The following CCNF variants were observed in gnomAD, a reference collection of about 807,000 sequenced individuals.
The protein encoded by CCNF is cyclin-F.
In CCNF, 30 loss-of-function variants were observed where a neutral mutation model predicts 85.4. That is an observed-to-expected ratio of 0.35 (90% CI 0.26 to 0.48). The LOEUF (loss-of-function observed/expected upper bound fraction) is 0.48, where lower values mean the gene tolerates loss of function less well. CCNF is among the 20% of genes least tolerant of loss of function. The pLI is 0.99. For synonymous variants in CCNF, 439 were observed against 425.1 expected (o/e 1.03, Z -0.40); for missense variants, 919 against 1,010.4 (o/e 0.91, Z 1.23).
chr16:2,432,704 C>T (rs2065268874), intron 2 of CCNF, among the ~76,000 whole-genome samples: 1 of 152,214 alleles, frequency 6.6e-6, no homozygotes, highest in Non-Finnish European at 1.5e-5. Context: ...CCCTCTTTCT[C>T]AGCCTAGGTG....
Position 2,453,635 on chromosome 16 carries a change from C to A in CCNF, c.1715+98C>A. On this transcript the variant is annotated intron_variant, in intron 15 of 16. Coordinates refer to ENST00000397066, the MANE Select transcript of CCNF (RefSeq NM_001761.3). This position sits in a 1 kb window ranked among gnomAD's most constrained non-coding sequence, Gnocchi z 5.6. ...TCCTCACACAGAGAGGCCCCCAAGG[C>A]TTGTCAGGGGAGCAGCAGATCCCAG... 1 of 1,492,442 alleles carries A rather than the reference C, an allele frequency of 6.7e-7. No homozygotes were observed. The highest frequency in any genetic ancestry group is 9.2e-7 in the Non-Finnish European group (1 of 1,088,744). 92.4% of individuals were successfully genotyped at this position (1,492,442 alleles called of 1,614,324 possible).
At position 2,443,695 on chromosome 16, in the gene CCNF, A is replaced by G. The variant is rs1439173034; in HGVS notation, c.824A>G (p.Glu275Gly). The G allele has an allele frequency of 7.4e-6, 12 of 1,614,104 alleles. No homozygotes were observed. Among genetic ancestry groups the G allele is most frequent in the Non-Finnish European group, 1.0e-5 (12 of 1,179,996 alleles). The change falls in exon 9 of 17, where the codon GAG becomes GGG. Residue 275 changes from glutamate to glycine, a missense_variant. By Grantham distance (98) the Glu-to-Gly change is moderately conservative. Transcript: ENST00000397066. ...ACANANQLGL[E>G]VRASSEIVCQ... The stretch of plus-strand genomic sequence containing the variant: ...GCAAATGCAAACCAGCTTGGACTGG[A>G]GGTGAGAGCTTCCAGTGAGATCGTC...
intron 9 of CCNF, among the ~76,000 whole-genome samples, chr16:2,444,602 C>CT (rs879408225): frequency 0.011 from 1,481 of 134,362 alleles, 23 homozygotes; most frequent in African/African-American, 0.037. Context: ...GCCCAGCCAC[C>CT]TTTTTTTTTT....
chr16:2,441,907 G>A (rs922867997), intron 8 of CCNF, among the ~76,000 whole-genome samples: 5 of 134,326 alleles, frequency 3.7e-5, no homozygotes, highest in African/African-American at 1.1e-4. Context: ...ACTTTTAAAT[G>A]AGATATTTTG....
chr16:2,431,115 CT>C lies in CCNF; in HGVS notation c.17-8del, dbSNP rs764855503. The C allele has an allele frequency of 1.9e-5, 31 of 1,612,094 alleles. No individual in the cohort carries two copies. In the South Asian group the frequency reaches 2.4e-4, roughly 13 times the overall value. ...TTTTTCATCTTATCAAGGCTTCTGT[CT>C]TTTTTTCCTTCAGTGGTCCACTGTA... is the stretch of plus-strand genomic sequence containing the variant. On this transcript the variant is annotated splice_polypyrimidine_tract_variant and intron_variant, in intron 1 of 16. Coordinates refer to ENST00000397066, the MANE Select transcript of CCNF (RefSeq NM_001761.3).
In CCNF at chr16:2,453,084, G is replaced by C. The variant is rs2065403713; in HGVS notation, c.1488-126G>C. 2 of 769,446 alleles carry C rather than the reference G, an allele frequency of 2.6e-6. No individual in the cohort carries two copies. The allele number at this position is 769,446 out of a possible 1,614,324, so 47.7% of individuals were successfully genotyped here. On this transcript the variant is annotated intron_variant, in intron 13 of 16. Coordinates refer to ENST00000397066, the MANE Select transcript of CCNF (RefSeq NM_001761.3). The surrounding 1 kb of genome is among the most constrained non-coding windows in gnomAD (Gnocchi z 5.6). ...TGGTGACTGAGTTTAACCATTCGGG[G>C]AACTGCCAGGTCAGATTCCAGAGTG... is the stretch of plus-strand genomic sequence containing the variant.
At chr16:2,438,773 G>T (rs1286517668) in intron 6 of CCNF, among the ~76,000 whole-genome samples, 1 of 151,674 alleles carries the variant, frequency 6.6e-6, no homozygotes, top group Non-Finnish European at 1.5e-5. Flanking sequence ...GAGGCGGGTG[G>T]ATCACCTGAG....
chr16:2,438,016 C>A, intron 5 of CCNF, 54 bp from the exon 6 acceptor site: 1 of 1,248,688 alleles, frequency 8.0e-7, no homozygotes, highest in Non-Finnish European at 1.2e-6. Flanking sequence ...GGAGTGGTGG[C>A]CCCCGGGCAG....
chr16:2,437,723 C>A, intron 5 of CCNF: 1 of 320,170 alleles, frequency 3.1e-6, no homozygotes, highest in Non-Finnish European at 5.8e-6. Context: ...ATCTCGAAAC[C>A]TCGTCTCTAC....
intron 4 of CCNF, 75 bp downstream of exon 4, chr16:2,435,948 C>T (rs999921804): frequency 1.3e-5 from 14 of 1,072,460 alleles, no homozygotes; most frequent in Admixed American, 3.6e-5. Context: ...AAGTGGTCCC[C>T]GTGTTAGCAG....
intron 8 of CCNF, among the ~76,000 whole-genome samples, chr16:2,442,958 T>A (rs2065339582): frequency 9.8e-6 from 1 of 101,636 alleles, no homozygotes; most frequent in Non-Finnish European, 1.8e-5. Flanking sequence ...ATATTATATA[T>A]TTTTATATAT....
intron 11 of CCNF, 88 bp from the exon 12 acceptor site, chr16:2,449,194 G>T (rs769214656): frequency 6.5e-7 from 1 of 1,527,624 alleles, no homozygotes; most frequent in Non-Finnish European, 9.1e-7. Context: ...AACATCATCC[G>T]GGCCAGACCC....
At chr16:2,440,100 C>CTA (rs1469473341) in intron 8 of CCNF, among the ~76,000 whole-genome samples, 4 of 152,220 alleles carry the variant, frequency 2.6e-5, no homozygotes, top group Non-Finnish European at 5.9e-5. Flanking sequence ...TGCTTGTGAG[C>CTA]TATAGCTGCT....
rs534755948 is a variant in CCNF at position 2,452,714 on chromosome 16, C to T, written c.1488-496C>T. On this transcript the variant is annotated intron_variant, in intron 13 of 16. Coordinates refer to ENST00000397066, the MANE Select transcript of CCNF (RefSeq NM_001761.3). The surrounding 1 kb of genome is among the most constrained non-coding windows in gnomAD (Gnocchi z 4.1). ...CTCCCGTTCCCCCCAACTTCCTCAG[C>T]GCTAGATGACCCCCAGTAGTCTACT... 20 of 162,996 alleles carry T rather than the reference C, an allele frequency of 1.2e-4. No homozygotes were observed. The highest frequency in any genetic ancestry group is 2.4e-4 in the African/African-American group (10 of 41,696). 10.1% of individuals were successfully genotyped at this position (162,996 alleles called of 1,614,324 possible).
Position 2,443,917 on chromosome 16 carries a change from T to C in CCNF, c.929+117T>C, listed in dbSNP as rs537867107. ...GTGACAGGGCGGCATAGAGTTCCCT[T>C]ATCACCCTTTTTTTTTTTTTGAAGT... is the stretch of plus-strand genomic sequence containing the variant. On this transcript the variant is annotated intron_variant, in intron 9 of 16. Coordinates refer to ENST00000397066, the MANE Select transcript of CCNF (RefSeq NM_001761.3). 5.6e-4 allele frequency: 494 copies of C among 877,378 alleles called. 1 individual carries two copies. The highest frequency in any genetic ancestry group is 7.7e-4 in the Non-Finnish European group (466 of 608,766). 54.3% of individuals were successfully genotyped at this position (877,378 alleles called of 1,614,324 possible).
rs1198738270 is a variant in CCNF at position 2,453,753 on chromosome 16, A to G, written c.1715+216A>G. On this transcript the variant is annotated intron_variant, in intron 15 of 16. Coordinates refer to ENST00000397066, the MANE Select transcript of CCNF (RefSeq NM_001761.3). The surrounding 1 kb of genome is among the most constrained non-coding windows in gnomAD (Gnocchi z 5.6). The stretch of plus-strand genomic sequence containing the variant: ...GCCCAGGTCTCCTTCCTCAGAGGCT[A>G]TTGCCTCTCGCTCTGACTGGGCTCC... 3.3e-5 allele frequency among the ~76,000 whole-genome samples: 5 copies of G among 152,074 alleles called. No homozygotes were observed. The highest frequency in any genetic ancestry group is 3.9e-4 in the East Asian group (2 of 5,186).
At position 2,450,709 on chromosome 16, in the gene CCNF, G is replaced by A. The variant is rs924980216; in HGVS notation, c.1487+794G>A. Among the ~76,000 whole-genome samples the A allele has an allele frequency of 3.3e-5, 5 of 152,152 alleles. No individual in the cohort carries two copies. In the South Asian group the frequency reaches 8.3e-4, roughly 25 times the overall value. Reference sequence around the variant, plus strand: ...CACTGGCACACCGTGGCCCTCAGGCGGCATCTGGCTGCTTTTGCGAATGGG... The same window carrying A: ...CACTGGCACACCGTGGCCCTCAGGCAGCATCTGGCTGCTTTTGCGAATGGG... On this transcript the variant is annotated intron_variant, in intron 13 of 16. Transcript: ENST00000397066.
intron 8 of CCNF, among the ~76,000 whole-genome samples, chr16:2,441,947 A>ATATG: frequency 1.8e-5 from 1 of 54,434 alleles, no homozygotes; most frequent in South Asian, 6.4e-4. Flanking sequence ...TTATATATAT[A>ATATG]TATATATATA....
rs1430451738 is a variant in CCNF at position 2,458,432 on chromosome 16, TA to T, written c.*1413del. ...GCCCAGCTAATTTTTGTATTTTCGGTAGAGACGGGATTTCACCATGTTGGCC... is the reference window on the plus strand; with the variant it reads ...GCCCAGCTAATTTTTGTATTTTCGGTGAGACGGGATTTCACCATGTTGGCC... On this transcript the variant is annotated 3_prime_UTR_variant, in exon 17 of 17. Coordinates refer to ENST00000397066, the MANE Select transcript of CCNF (RefSeq NM_001761.3). 6.6e-6 allele frequency: 1 copy of T among 152,128 alleles called. No homozygotes were observed. Among genetic ancestry groups the T allele is most frequent in the Non-Finnish European group, 1.5e-5 (1 of 68,048 alleles). The allele number at this position is 152,128 out of a possible 1,614,324, so 9.4% of individuals were successfully genotyped here.
Sources: allele counts gnomAD v4.1 joint callset (sites outside exome capture counted in the v4.1 genomes callset), GRCh38; gene constraint gnomAD v4.1.1; non-coding constraint Gnocchi (gnomAD v3.1); transcripts MANE v1.5; gene names NCBI Gene and HGNC (gene_info 2026-07-23, HGNC 2026-07-21).